PDZRN4: variants seen among roughly 807,000 people sequenced by gnomAD.
PDZRN4 encodes PDZ domain containing ring finger 4.
Under a neutral mutation model 99.0 loss-of-function variants are expected in PDZRN4, and 70 were observed. That is an observed-to-expected ratio of 0.71 (90% CI 0.58 to 0.86). The LOEUF is 0.86. PDZRN4 is among the 40% of genes least tolerant of loss of function. PDZRN4 has a pLI of 0.00. For synonymous variants in PDZRN4, 551 were observed against 501.6 expected (o/e 1.10, Z -1.32); for missense variants, 1,474 against 1,331.2 (o/e 1.11, Z -1.67).
At chr12:41,431,269 A>C (rs1952583882) in intron 3 of PDZRN4, among the ~76,000 whole-genome samples, 1 of 152,232 alleles carries the variant, frequency 6.6e-6, no homozygotes, top group South Asian at 2.1e-4. Context: ...TACTTGACAC[A>C]AATTATCATC....
intron 3 of PDZRN4, among the ~76,000 whole-genome samples, chr12:41,384,851 T>C (rs932274654): frequency 9.9e-5 from 15 of 152,174 alleles, no homozygotes; most frequent in African/African-American, 3.4e-4. Context: ...CTCCAGGGGC[T>C]TTAAGATTAA....
chr12:41,335,177 A>C (rs1350702635), intron 3 of PDZRN4, among the ~76,000 whole-genome samples: 1 of 127,346 alleles, frequency 7.9e-6, no homozygotes, highest in Admixed American at 7.8e-5. Flanking sequence ...GCAGCTTAGA[A>C]TATTGACAAA....
At chr12:41,370,692 A>G (rs1952035037) in intron 3 of PDZRN4, among the ~76,000 whole-genome samples, 1 of 151,904 alleles carries the variant, frequency 6.6e-6, no homozygotes, top group Non-Finnish European at 1.5e-5. Context: ...TTAGGTTTAT[A>G]CTAGACATTT....
chr12:41,190,730 A>G (rs1197670493), intron 1 of PDZRN4, among the ~76,000 whole-genome samples: 1 of 152,228 alleles, frequency 6.6e-6, no homozygotes, highest in Non-Finnish European at 1.5e-5. Flanking sequence ...GGTTAATAAC[A>G]TCTACAACCA....
chr12:41,218,201 T>C (rs1950933558), intron 3 of PDZRN4, among the ~76,000 whole-genome samples: 3 of 152,150 alleles, frequency 2.0e-5, no homozygotes, highest in Non-Finnish European at 4.4e-5. Flanking sequence ...CTTTTCCTTT[T>C]GTCTGTTATA....
At chr12:41,246,804 G>A (rs1951136577) in intron 3 of PDZRN4, among the ~76,000 whole-genome samples, 1 of 152,160 alleles carries the variant, frequency 6.6e-6, no homozygotes, top group Admixed American at 6.5e-5. Context: ...CACCGGACAT[G>A]AAATACAGTG....
chr12:41,545,266 A>C (rs923226552), intron 5 of PDZRN4, among the ~76,000 whole-genome samples: 56 of 152,134 alleles, frequency 3.7e-4, no homozygotes, highest in Admixed American at 3.2e-3. Flanking sequence ...GCCCAATCTT[A>C]AACTCTTAGC....
Position 41,372,153 on chromosome 12 carries a change from A to G in PDZRN4, c.844-134303A>G, listed in dbSNP as rs564319061. The stretch of plus-strand genomic sequence containing the variant: ...ATAAGGGATTAAAGGGGGAAAAAAA[A>G]GAAAGATAAGATCCTTCAAGTGCTT... On this transcript the variant is annotated intron_variant, in intron 3 of 9. Coordinates refer to ENST00000402685, the MANE Select transcript of PDZRN4 (RefSeq NM_001164595.2). Among the ~76,000 whole-genome samples, 527 of 151,806 alleles carry G rather than the reference A, an allele frequency of 3.5e-3. 5 individuals are homozygous for G. Among genetic ancestry groups the G allele is most frequent in the Non-Finnish European group, 5.6e-3 (378 of 67,848 alleles).
Position 41,520,010 on chromosome 12 carries a change from C to A in PDZRN4, c.1203+10097C>A, listed in dbSNP as rs572335031. Among the ~76,000 whole-genome samples the A allele has an allele frequency of 1.8e-4, 28 of 152,232 alleles. 1 individual carries two copies. Among genetic ancestry groups the A allele is most frequent in the African/African-American group, 6.5e-4 (27 of 41,564 alleles). ...TGCTTCTGCACACACAAACTGCCTG[C>A]AGTTCCCCAGGGATGACGTTTTCTT... On this transcript the variant is annotated intron_variant, in intron 5 of 9. Coordinates refer to ENST00000402685, the MANE Select transcript of PDZRN4 (RefSeq NM_001164595.2).
chr12:41,440,163 A>C (rs1303836592), intron 3 of PDZRN4, among the ~76,000 whole-genome samples: 2 of 152,172 alleles, frequency 1.3e-5, no homozygotes, highest in Admixed American at 6.6e-5. Flanking sequence ...ATATTAAAAT[A>C]AACTTTCTGG....
chr12:41,459,927 G>A, intron 3 of PDZRN4: 4 of 1,260,458 alleles, frequency 3.2e-6, no homozygotes, highest in Non-Finnish European at 4.1e-6. Flanking sequence ...TTGACTGAAG[G>A]AGAAAAAATG....
At chr12:41,214,723 A>G (rs1398956612) in intron 3 of PDZRN4, among the ~76,000 whole-genome samples, 1 of 151,902 alleles carries the variant, frequency 6.6e-6, no homozygotes, top group Non-Finnish European at 1.5e-5. Flanking sequence ...TACTGTGGAG[A>G]TTAGGGCTTA....
chr12:41,282,023 T>C (rs1951388893), intron 3 of PDZRN4, among the ~76,000 whole-genome samples: 1 of 152,152 alleles, frequency 6.6e-6, no homozygotes, highest in African/African-American at 2.4e-5. Flanking sequence ...TACATAACAA[T>C]ATTAACCTTA....
chr12:41,271,641 T>C (rs1027011388), intron 3 of PDZRN4, among the ~76,000 whole-genome samples: 2 of 152,092 alleles, frequency 1.3e-5, no homozygotes, highest in African/African-American at 2.4e-5. Flanking sequence ...TCAGTGATGA[T>C]TGATCACATT....
intron 3 of PDZRN4, among the ~76,000 whole-genome samples, chr12:41,304,930 C>G (rs1208144143): frequency 2.0e-5 from 3 of 152,172 alleles, no homozygotes; most frequent in Non-Finnish European, 4.4e-5. Context: ...TTGGGTCTTG[C>G]AGTATGGGAA....
At chr12:41,430,554 G>GGT (rs151088977) in intron 3 of PDZRN4, among the ~76,000 whole-genome samples, 1 of 151,356 alleles carries the variant, frequency 6.6e-6, no homozygotes, top group Non-Finnish European at 1.5e-5. Flanking sequence ...GAAATAGAGG[G>GGT]GTGTGTGTGT....
intron 4 of PDZRN4, 94 bp downstream of exon 4, chr12:41,506,806 A>G: frequency 7.2e-7 from 1 of 1,381,490 alleles, no homozygotes; most frequent in South Asian, 1.4e-5. Context: ...GCAGGTTGAC[A>G]GTTATGGAGA....
chr12:41,252,778 T>C (rs1387996013), intron 3 of PDZRN4, among the ~76,000 whole-genome samples: 3 of 152,034 alleles, frequency 2.0e-5, no homozygotes, highest in African/African-American at 7.3e-5. Flanking sequence ...AGAAAGCAGA[T>C]CAGTGATTGC....
intron 3 of PDZRN4, among the ~76,000 whole-genome samples, chr12:41,448,274 A>AT (rs1402241559): frequency 4.6e-5 from 7 of 152,080 alleles, no homozygotes; most frequent in African/African-American, 1.2e-4. Context: ...AGACAATGTG[A>AT]TTTTTCCCAT....
Sources: allele counts gnomAD v4.1 joint callset (sites outside exome capture counted in the v4.1 genomes callset), GRCh38; gene constraint gnomAD v4.1.1; transcripts MANE v1.5; gene names NCBI Gene and HGNC (gene_info 2026-07-23, HGNC 2026-07-21).